The following ARMC3 variants were observed in gnomAD, a reference collection of about 807,000 sequenced individuals.
The protein encoded by ARMC3 is armadillo repeat-containing protein 3.
Under a neutral mutation model 90.3 loss-of-function variants are expected in ARMC3, and 74 were observed. The ratio of observed to expected loss-of-function variants is 0.82; its 90% CI spans 0.68 to 0.99. ARMC3 has a LOEUF of 0.99. ARMC3 is among the 50% of genes least tolerant of loss of function. ARMC3 has a pLI of 0.00. For synonymous variants in ARMC3, 334 were observed against 361.8 expected (o/e 0.92, Z 0.87); for missense variants, 958 against 1,042.8 (o/e 0.92, Z 1.12).
intron 9 of ARMC3, 29 bp downstream of exon 9, chr10:22,981,521 G>GC (rs1564370050): frequency 1.2e-6 from 2 of 1,613,044 alleles, no homozygotes; most frequent in Non-Finnish European, 1.7e-6. Flanking sequence ...ATTCTTTTGA[G>GC]CATTTTTAGG....
intron 3 of ARMC3, among the ~76,000 whole-genome samples, chr10:22,949,712 T>A (rs533356172): frequency 2.0e-5 from 3 of 152,156 alleles, no homozygotes; most frequent in African/African-American, 7.2e-5. Context: ...GGCCAAACTT[T>A]CCCTAAATCT....
intron 8 of ARMC3, among the ~76,000 whole-genome samples, chr10:22,969,579 AT>A (rs1835591506): frequency 2.0e-5 from 3 of 152,224 alleles, no homozygotes; most frequent in Admixed American, 2.0e-4. Flanking sequence ...GAGTTACATT[AT>A]AAATGCCTAT....
At chr10:23,023,324 G>A (rs537718336) in intron 16 of ARMC3, among the ~76,000 whole-genome samples, 1 of 152,240 alleles carries the variant, frequency 6.6e-6, no homozygotes, top group South Asian at 2.1e-4. Flanking sequence ...TGGAATCACT[G>A]CCTACAAAAG....
chr10:22,950,627 C>G (rs975964842), intron 3 of ARMC3, among the ~76,000 whole-genome samples: 4 of 151,810 alleles, frequency 2.6e-5, no homozygotes, highest in Non-Finnish European at 5.9e-5. Flanking sequence ...TAAATCTAAC[C>G]ATATCAAAAA....
chr10:23,012,662 C>T lies in ARMC3; in HGVS notation c.2045+3731C>T, dbSNP rs559287686. Among the ~76,000 whole-genome samples the T allele has an allele frequency of 6.6e-5, 10 of 152,264 alleles. No homozygotes were observed. The East Asian group carries it at 9.7e-4, about 15-fold the overall frequency. On this transcript the variant is annotated intron_variant, in intron 16 of 18. Coordinates refer to ENST00000298032, the MANE Select transcript of ARMC3 (RefSeq NM_173081.5). Reference sequence around the variant, plus strand: ...GCCTAGGAACCATCTTGAAGTCCTTCTCATTTATCCCCAATATGGAATGAC... The same window carrying T: ...GCCTAGGAACCATCTTGAAGTCCTTTTCATTTATCCCCAATATGGAATGAC...
At chr10:22,982,186 T>C (rs1170929) in intron 10 of ARMC3, among the ~76,000 whole-genome samples, 71,284 of 151,998 alleles carry the variant, frequency 0.47, 18,157 homozygotes, top group African/African-American at 0.68. Flanking sequence ...AGACTAGCCT[T>C]ACCAACATGG....
intron 16 of ARMC3, chr10:23,014,491 C>T (rs758327990): frequency 4.2e-5 from 43 of 1,015,562 alleles, no homozygotes; most frequent in Non-Finnish European, 4.8e-5. Context: ...GTCTGAAAAG[C>T]CATTGGGAAT....
intron 8 of ARMC3, among the ~76,000 whole-genome samples, chr10:22,975,528 G>T (rs183713665): frequency 6.6e-6 from 1 of 152,092 alleles, no homozygotes; most frequent in African/African-American, 2.4e-5. Flanking sequence ...TCGCACCATC[G>T]CACTCCAGCC....
Position 22,955,885 on chromosome 10 carries a change from T to G in ARMC3, c.245T>G (p.Ile82Ser). The G allele has an allele frequency of 1.2e-6, 2 of 1,612,078 alleles. No individual in the cohort carries two copies. Among genetic ancestry groups the G allele is most frequent in the Non-Finnish European group, 1.7e-6 (2 of 1,178,198 alleles). The change falls in exon 4 of 19, where the codon ATT (isoleucine) becomes AGT (serine). Residue 82 changes from isoleucine to serine, a missense_variant. Ile to Ser is a moderately radical substitution (Grantham distance 142). Transcript: ENST00000298032. The part of the protein sequence containing the change: ...LTKLLTHEDK[I>S]VRRNATMIFG... ...AAGCTACTCACCCATGAAGACAAAA[T>G]TGTAAGAAGAAATGCTACTATGATA... is the stretch of plus-strand genomic sequence containing the variant.
intron 16 of ARMC3, among the ~76,000 whole-genome samples, chr10:23,030,302 T>C (rs1838869857): frequency 6.6e-6 from 1 of 152,216 alleles, no homozygotes; most frequent in East Asian, 1.9e-4. Context: ...CAGTCAGCTC[T>C]GTGGAACCCA....
chr10:23,007,025 C>T (rs1564390136), intron 14 of ARMC3, 44 bp downstream of exon 14: 7 of 1,457,564 alleles, frequency 4.8e-6, no homozygotes, highest in Middle Eastern at 1.8e-4. Flanking sequence ...GCACATACTG[C>T]TTGTTGTTGT....
intron 16 of ARMC3, among the ~76,000 whole-genome samples, chr10:23,009,345 C>T (rs1271189730): frequency 2.6e-5 from 4 of 152,360 alleles, no homozygotes; most frequent in Admixed American, 6.5e-5. Flanking sequence ...TCTCTCCTCC[C>T]GCCCCACTTT....
intron 8 of ARMC3, among the ~76,000 whole-genome samples, chr10:22,975,282 C>T (rs1377403905): frequency 3.9e-5 from 6 of 152,084 alleles, no homozygotes; most frequent in East Asian, 3.9e-4. Context: ...ATGACAGGCA[C>T]GGTGGCTCAC....
chr10:22,968,496 C>A lies in ARMC3; in HGVS notation c.916+7C>A. ...ACTAAAGCAGCTTATGATCGTATGT[C>A]TCATTTTATTTTATTTATTTTGAGA... On this transcript the variant is annotated splice_region_variant and intron_variant, in intron 8 of 18. Transcript: ENST00000298032. 1.3e-6 allele frequency: 2 copies of A among 1,557,854 alleles called. No individual in the cohort carries two copies. Among genetic ancestry groups the A allele is most frequent in the Non-Finnish European group, 1.7e-6 (2 of 1,155,434 alleles).
Position 23,032,986 on chromosome 10 carries a change from A to G in ARMC3, c.2372A>G (p.Lys791Arg), listed in dbSNP as rs781535347. ...AATGTTATACCGATTGGACATGTCA[A>G]AAAAGGAATCTTCTACCATCGAGCT... ...KSNVIPIGHV[K>R]KGIFYHRALL... Residue 791 changes from lysine (K) to arginine (R), a missense_variant, in exon 18 of 19, where the codon AAA becomes AGA. Physicochemically the swap from Lys to Arg is conservative, Grantham distance 26. Transcript: ENST00000298032. The G allele has an allele frequency of 1.2e-6, 2 of 1,613,064 alleles. No individual in the cohort carries two copies. Among genetic ancestry groups the G allele is most frequent in the South Asian group, 2.2e-5 (2 of 91,018 alleles).
chr10:22,939,447 A>G (rs551357137), intron 2 of ARMC3, among the ~76,000 whole-genome samples: 3 of 152,192 alleles, frequency 2.0e-5, no homozygotes, highest in Admixed American at 6.5e-5. Flanking sequence ...TTTGCTTGGA[A>G]GGCATGGAGG....
At chr10:23,016,886 A>G (rs1265227430) in intron 16 of ARMC3, among the ~76,000 whole-genome samples, 1 of 152,192 alleles carries the variant, frequency 6.6e-6, no homozygotes, top group Non-Finnish European at 1.5e-5. Flanking sequence ...AACTCTGAAT[A>G]GTCACTCTAT....
intron 3 of ARMC3, chr10:22,955,500 AAG>A (rs1302864345): frequency 9.3e-6 from 2 of 215,522 alleles, no homozygotes; most frequent in African/African-American, 2.3e-5. Context: ...CAGCAGGATA[AAG>A]AGGGGTAAGA....
chr10:23,012,169 G>A (rs1183226139), intron 16 of ARMC3, among the ~76,000 whole-genome samples: 1 of 152,050 alleles, frequency 6.6e-6, no homozygotes, highest in East Asian at 1.9e-4. Flanking sequence ...CCTTCTGGGT[G>A]GGAACTCATT....
Sources: gnomAD v4.1 joint callset for allele counts (sites outside exome capture counted in the v4.1 genomes callset) on GRCh38, gnomAD v4.1.1 for gene constraint, MANE v1.5 for transcripts, NCBI Gene and HGNC (gene_info 2026-07-23, HGNC 2026-07-21) for gene names.